The following FGF14 variants were observed in gnomAD, a reference collection of about 807,000 sequenced individuals.
FGF14 encodes fibroblast growth factor homologous factor 4.
Under a neutral mutation model 25.5 loss-of-function variants are expected in FGF14, and 5 were observed. The ratio of observed to expected loss-of-function variants is 0.20; its 90% CI spans 0.10 to 0.41. The LOEUF (loss-of-function observed/expected upper bound fraction) is 0.41. Ranked by LOEUF, FGF14 falls within the 10% of genes least tolerant of loss-of-function variation. FGF14 has a pLI of 1.00. For missense variants in FGF14, 222 were observed against 320.1 expected, an observed-to-expected ratio of 0.69 and a Z score of 2.34; for synonymous variants, 138 against 118.3, an observed-to-expected ratio of 1.17 and a Z score of -1.08.
upstream of FGF14, among the ~76,000 whole-genome samples, chr13:102,401,960 G>A (rs986013013): frequency 2.0e-5 from 3 of 150,230 alleles, no homozygotes; most frequent in African/African-American, 4.9e-5. Flanking sequence ...TTACTTGATC[G>A]CTATGAGGAT....
intron 1 of FGF14, among the ~76,000 whole-genome samples, chr13:101,962,544 C>A (rs549454202): frequency 7.3e-5 from 11 of 151,534 alleles, no homozygotes; most frequent in Admixed American, 7.2e-4. Flanking sequence ...AAGGGAATAT[C>A]AGAAAAAAAA....
intron 3 of FGF14, among the ~76,000 whole-genome samples, chr13:101,788,184 TCCA>T (rs928180983): frequency 6.6e-6 from 1 of 151,768 alleles, no homozygotes; most frequent in African/African-American, 2.4e-5. Context: ...TGCCCCCTCC[TCCA>T]CTTTTTTTTT....
chr13:102,164,999 G>C (rs994750607), intron 1 of FGF14, among the ~76,000 whole-genome samples: 1 of 152,144 alleles, frequency 6.6e-6, no homozygotes, highest in Admixed American at 6.6e-5. Context: ...ATAGTGAGGG[G>C]ATTTTTCAGC....
intron 1 of FGF14, among the ~76,000 whole-genome samples, chr13:102,388,733 C>A (rs1050450785): frequency 6.6e-6 from 1 of 152,118 alleles, no homozygotes; most frequent in African/African-American, 2.4e-5. Context: ...TTTCTTAGTA[C>A]AAAAATCCCT....
At chr13:102,398,582 GATAAC>G (rs1225309960) in intron 1 of FGF14, among the ~76,000 whole-genome samples, 5 of 152,004 alleles carry the variant, frequency 3.3e-5, no homozygotes, top group African/African-American at 4.8e-5. Flanking sequence ...TTAAATTTAA[GATAAC>G]ATAATAGGTA....
At chr13:102,043,035 G>A (rs1426828708) in intron 1 of FGF14, among the ~76,000 whole-genome samples, 1 of 152,180 alleles carries the variant, frequency 6.6e-6, no homozygotes, top group East Asian at 1.9e-4. Context: ...AGAAAAATAT[G>A]AGCTTATGAA....
chr13:101,788,253 C>A (rs2039969629), intron 3 of FGF14, among the ~76,000 whole-genome samples: 4 of 152,184 alleles, frequency 2.6e-5, no homozygotes, highest in Admixed American at 2.6e-4. Context: ...TACTCCAGGG[C>A]AGGGTGACCC....
chr13:101,874,016 T>A (rs1028099904), intron 2 of FGF14, among the ~76,000 whole-genome samples: 3 of 151,140 alleles, frequency 2.0e-5, no homozygotes, highest in East Asian at 3.9e-4. Flanking sequence ...GAAGAAAAAA[T>A]AAAAAGTGAA....
intron 3 of FGF14, among the ~76,000 whole-genome samples, chr13:101,823,257 G>A (rs753830498): frequency 4.4e-4 from 53 of 120,364 alleles, no homozygotes; most frequent in Non-Finnish European, 8.8e-4. Context: ...GCAATTCTAT[G>A]TTTAATTGAG....
intron 1 of FGF14, among the ~76,000 whole-genome samples, chr13:102,099,545 T>C (rs921603053): frequency 6.6e-6 from 1 of 152,022 alleles, no homozygotes; most frequent in Non-Finnish European, 1.5e-5. Flanking sequence ...ACCTAATTCT[T>C]ATAACCATCT....
At chr13:102,374,649 TATATA>T (rs2057988143) in intron 1 of FGF14, among the ~76,000 whole-genome samples, 2 of 3,286 alleles carry the variant, frequency 6.1e-4, no homozygotes, top group African/African-American at 3.4e-3. Flanking sequence ...ATATTTTATA[TATATA>T]TATATATATA....
chr13:102,069,835 C>A (rs1451111025), intron 1 of FGF14, among the ~76,000 whole-genome samples: 1 of 152,194 alleles, frequency 6.6e-6, no homozygotes, highest in Non-Finnish European at 1.5e-5. Flanking sequence ...ATTCCAGACA[C>A]AACGGCTCAC....
intron 1 of FGF14, among the ~76,000 whole-genome samples, chr13:102,169,596 T>C (rs1009206353): frequency 6.6e-6 from 1 of 152,156 alleles, no homozygotes; most frequent in Non-Finnish European, 1.5e-5. Context: ...TATTTAAAGT[T>C]ACAGAACCAT....
chr13:102,372,862 C>T (rs1212090692), intron 1 of FGF14, among the ~76,000 whole-genome samples: 1 of 152,106 alleles, frequency 6.6e-6, no homozygotes, highest in African/African-American at 2.4e-5. Flanking sequence ...GCTTTATATG[C>T]ATTACTACTA....
intron 3 of FGF14, among the ~76,000 whole-genome samples, chr13:101,769,438 C>G (rs1300785880): frequency 1.3e-5 from 2 of 152,052 alleles, no homozygotes; most frequent in Non-Finnish European, 2.9e-5. Flanking sequence ...CATGATCCAC[C>G]AGTCATACTC....
Position 102,316,622 on chromosome 13 carries a change from C to T in FGF14, c.208+84849G>A, listed in dbSNP as rs150989110. Among the ~76,000 whole-genome samples the T allele has an allele frequency of 8.9e-3, 1,350 of 152,232 alleles. 27 individuals carry two copies. Among genetic ancestry groups the T allele is most frequent in the African/African-American group, 0.031 (1,299 of 41,522 alleles). On this transcript the variant is annotated intron_variant, in intron 1 of 4. Coordinates refer to the FGF14 transcript ENST00000376131. Reference sequence around the variant, plus strand: ...AATTGCCTTGAATCACTCTCTTGAACTATCTCTGTATATGTGTGTGTGTAT... The same window carrying T: ...AATTGCCTTGAATCACTCTCTTGAATTATCTCTGTATATGTGTGTGTGTAT...
rs1006481823 is a variant in FGF14 at position 102,295,641 on chromosome 13, T to C, written c.208+105830A>G. On this transcript the variant is annotated intron_variant, in intron 1 of 4. Coordinates refer to the FGF14 transcript ENST00000376131. ...TTGCCTGAGATTACAGAATTAGAAGTACCAGAGAGAAACATAAAGTCCAAG... is the reference window on the plus strand; with the variant it reads ...TTGCCTGAGATTACAGAATTAGAAGCACCAGAGAGAAACATAAAGTCCAAG... Among the ~76,000 whole-genome samples, 58 of 152,152 alleles carry C rather than the reference T, an allele frequency of 3.8e-4. 1 individual carries two copies. The highest frequency in any genetic ancestry group is 2.2e-4 in the Non-Finnish European group (15 of 68,016).
chr13:101,747,929 C>T (rs1200216486), intron 3 of FGF14, among the ~76,000 whole-genome samples: 1 of 151,804 alleles, frequency 6.6e-6, no homozygotes, highest in Non-Finnish European at 1.5e-5. Context: ...TCATCTTGCA[C>T]CAGAAAGAAT....
chr13:102,220,652 G>A lies in FGF14; in HGVS notation c.208+180819C>T, dbSNP rs188063096. ...CTTTAAAATAACAGAGTTTTTCAAG[G>A]CATTATATACATTTTTCAAAAGCAC... On this transcript the variant is annotated intron_variant, in intron 1 of 4. Coordinates refer to the FGF14 transcript ENST00000376131. Among the ~76,000 whole-genome samples the A allele has an allele frequency of 4.3e-4, 65 of 152,218 alleles. 1 individual carries two copies. In the South Asian group the frequency reaches 5.0e-3, roughly 12 times the overall value.
Sources: allele counts gnomAD v4.1 joint callset (sites outside exome capture counted in the v4.1 genomes callset), GRCh38; gene constraint gnomAD v4.1.1; transcripts MANE v1.5; gene names NCBI Gene and HGNC (gene_info 2026-07-23, HGNC 2026-07-21).